CDH12: variants seen among roughly 807,000 people sequenced by gnomAD.
CDH12 encodes cadherin 12, also known as cadherin-12.
A neutral mutation model predicts 74.1 loss-of-function variants in CDH12; 41 were observed. That is an observed-to-expected ratio of 0.55 (90% confidence interval 0.43 to 0.72). The LOEUF (loss-of-function observed/expected upper bound fraction) is 0.72, where lower values mean the gene tolerates loss of function less well. Ranked by LOEUF, CDH12 falls within the 30% of genes least tolerant of loss-of-function variation. The pLI, the probability that CDH12 is intolerant of heterozygous loss-of-function variation, is 0.00. For missense variants in CDH12, 945 were observed against 977.2 expected (o/e 0.97, Z 0.44); for synonymous variants, 399 against 355.0 (o/e 1.12, Z -1.39).
At chr5:22,580,555 G>A in intron 1 of CDH12, 4 of 474,334 alleles carry the variant, frequency 8.4e-6, no homozygotes, top group Non-Finnish European at 1.7e-5. Context: ...TGCTCATCAG[G>A]GCTGTATGTG....
chr5:22,701,736 T>A (rs932444277), intron 1 of CDH12, among the ~76,000 whole-genome samples: 14 of 152,142 alleles, frequency 9.2e-5, no homozygotes, highest in African/African-American at 3.4e-4. Flanking sequence ...AAACACTATC[T>A]TCTGAAAACC....
chr5:22,589,813 A>G (rs1185531881), intron 1 of CDH12, among the ~76,000 whole-genome samples: 5 of 152,242 alleles, frequency 3.3e-5, no homozygotes, highest in African/African-American at 1.2e-4. Flanking sequence ...TACATAACTT[A>G]CATCCTAGAG....
intron 10 of CDH12, among the ~76,000 whole-genome samples, chr5:21,788,561 T>C (rs974310605): frequency 3.9e-5 from 6 of 152,174 alleles, no homozygotes; most frequent in Admixed American, 3.9e-4. Context: ...AACTCTCAAA[T>C]ACAACTGAGA....
chr5:22,068,622 T>A (rs915959804), intron 5 of CDH12, among the ~76,000 whole-genome samples: 1 of 152,162 alleles, frequency 6.6e-6, no homozygotes, highest in Non-Finnish European at 1.5e-5. Flanking sequence ...GACAAAGAGT[T>A]CTGGGGAAGA....
chr5:22,800,803 AT>A (rs920275438), intron 1 of CDH12, among the ~76,000 whole-genome samples: 1 of 152,096 alleles, frequency 6.6e-6, no homozygotes, highest in Non-Finnish European at 1.5e-5. Context: ...TAATATGTCA[AT>A]TTTTTAGATT....
At chr5:22,189,857 G>A (rs1037352334) in intron 4 of CDH12, among the ~76,000 whole-genome samples, 4 of 147,260 alleles carry the variant, frequency 2.7e-5, no homozygotes, top group South Asian at 2.2e-4. Flanking sequence ...TCTTCCCCCC[G>A]CCTATCCCCA....
At chr5:22,442,466 C>T (rs998607376) in intron 2 of CDH12, among the ~76,000 whole-genome samples, 7 of 151,994 alleles carry the variant, frequency 4.6e-5, no homozygotes, top group Non-Finnish European at 7.4e-5. Context: ...ACAGTGAGGC[C>T]CCGTCTCATT....
intron 1 of CDH12, among the ~76,000 whole-genome samples, chr5:22,531,815 T>C (rs532173168): frequency 1.3e-5 from 2 of 152,200 alleles, no homozygotes; most frequent in Admixed American, 1.3e-4. Flanking sequence ...GCTGAAAGTC[T>C]GTATTAGAAG....
chr5:22,793,761 T>C (rs896327265), intron 1 of CDH12, among the ~76,000 whole-genome samples: 12 of 151,996 alleles, frequency 7.9e-5, no homozygotes, highest in African/African-American at 2.9e-4. Flanking sequence ...CTGTTTTTTT[T>C]TTTTCAATCC....
intron 1 of CDH12, among the ~76,000 whole-genome samples, chr5:22,514,309 A>C (rs969032560): frequency 6.6e-6 from 1 of 152,114 alleles, no homozygotes; most frequent in Non-Finnish European, 1.5e-5. Context: ...ACACAGAAAC[A>C]CATAAACATA....
At chr5:22,171,057 C>G (rs1388493963) in intron 4 of CDH12, among the ~76,000 whole-genome samples, 1 of 151,836 alleles carries the variant, frequency 6.6e-6, no homozygotes. Flanking sequence ...ATTAGATATG[C>G]TTCCATGTTA....
At chr5:22,541,431 C>G (rs1020810695) in intron 1 of CDH12, among the ~76,000 whole-genome samples, 2 of 152,240 alleles carry the variant, frequency 1.3e-5, no homozygotes, top group Admixed American at 1.3e-4. Context: ...GTGTGAGGCA[C>G]CATGTTTTAT....
chr5:22,127,645 G>A (rs1745959825), intron 4 of CDH12, among the ~76,000 whole-genome samples: 1 of 152,146 alleles, frequency 6.6e-6, no homozygotes, highest in South Asian at 2.1e-4. Context: ...AGCAATATCT[G>A]TGTCTTTTGC....
At chr5:22,797,431 C>A (rs1290382696) in intron 1 of CDH12, among the ~76,000 whole-genome samples, 1 of 152,104 alleles carries the variant, frequency 6.6e-6, no homozygotes, top group Non-Finnish European at 1.5e-5. Flanking sequence ...TAGGTGGTAT[C>A]CTGGTGGCAG....
intron 3 of CDH12, among the ~76,000 whole-genome samples, chr5:22,382,581 T>C (rs1452530776): frequency 6.6e-6 from 1 of 151,992 alleles, no homozygotes; most frequent in East Asian, 1.9e-4. Flanking sequence ...TAATGATGTC[T>C]CCTCTACGAA....
chr5:21,995,078 G>A (rs1008793211), intron 5 of CDH12, among the ~76,000 whole-genome samples: 2 of 152,070 alleles, frequency 1.3e-5, no homozygotes, highest in Non-Finnish European at 2.9e-5. Context: ...GTGAGACCAG[G>A]AACCCACCAG....
At chr5:22,360,729 A>G (rs1403748194) in intron 3 of CDH12, among the ~76,000 whole-genome samples, 1 of 152,202 alleles carries the variant, frequency 6.6e-6, no homozygotes, top group Non-Finnish European at 1.5e-5. Flanking sequence ...AAGCTTATCC[A>G]CCATGATCAA....
chr5:22,055,383 G>A (rs1487609107), intron 5 of CDH12, among the ~76,000 whole-genome samples: 2 of 152,050 alleles, frequency 1.3e-5, no homozygotes, highest in Non-Finnish European at 2.9e-5. Context: ...TGAAGCCTAG[G>A]ACTTAATGGG....
At chr5:22,373,929 A>G (rs538925448) in intron 3 of CDH12, among the ~76,000 whole-genome samples, 1 of 152,332 alleles carries the variant, frequency 6.6e-6, no homozygotes, top group African/African-American at 2.4e-5. Context: ...TAATGCTCCA[A>G]TAACAGATTC....
Sources: gnomAD v4.1 joint callset for allele counts (sites outside exome capture counted in the v4.1 genomes callset) on GRCh38, gnomAD v4.1.1 for gene constraint, MANE v1.5 for transcripts, NCBI Gene and HGNC (gene_info 2026-07-23, HGNC 2026-07-21) for gene names.